Variants in TRPM3 observed in about 807,000 individuals in gnomAD.
The protein encoded by TRPM3 is long transient receptor potential channel 3.
TRPM3 carries 77 observed loss-of-function variants against 181.2 expected under a neutral mutation model. The ratio of observed to expected loss-of-function variants is 0.42; its 90% CI spans 0.35 to 0.51. The LOEUF is 0.51. TRPM3 is among the 20% of genes least tolerant of loss of function. TRPM3 has a pLI of 0.01. For synonymous variants in TRPM3, 745 were observed against 796.4 expected (o/e 0.94, Z 1.09); for missense variants, 1,759 against 2,196.7 (o/e 0.80, Z 3.98).
chr9:70,890,595 C>A (rs890912309), intron 1 of TRPM3, among the ~76,000 whole-genome samples: 1 of 151,160 alleles, frequency 6.6e-6, no homozygotes. Context: ...AAACATATTT[C>A]GTAAATAAGA....
chr9:70,963,507 T>C (rs1268116719), intron 1 of TRPM3, among the ~76,000 whole-genome samples: 1 of 152,040 alleles, frequency 6.6e-6, no homozygotes, highest in South Asian at 2.1e-4. Flanking sequence ...AGAGGAGATT[T>C]TGAGGGGCTG....
intron 1 of TRPM3, among the ~76,000 whole-genome samples, chr9:71,189,110 T>C (rs1272556710): frequency 6.6e-6 from 1 of 151,810 alleles, no homozygotes; most frequent in Non-Finnish European, 1.5e-5. Context: ...AATCAGGAAT[T>C]GCCTCTCTAT....
intron 1 of TRPM3, among the ~76,000 whole-genome samples, chr9:71,322,266 G>A (rs1404195363): frequency 2.0e-5 from 3 of 152,020 alleles, no homozygotes; most frequent in Non-Finnish European, 2.9e-5. Context: ...TCTCCCTAAC[G>A]GTATGTTAAC....
intron 1 of TRPM3, among the ~76,000 whole-genome samples, chr9:71,432,575 T>G (rs1217168488): frequency 6.6e-6 from 1 of 152,220 alleles, no homozygotes; most frequent in Non-Finnish European, 1.5e-5. Flanking sequence ...TTATTGTTTA[T>G]CTTTTAAGGA....
chr9:71,396,965 C>CA (rs76027591), intron 1 of TRPM3, among the ~76,000 whole-genome samples: 6,783 of 97,282 alleles, frequency 0.07, 367 homozygotes, highest in African/African-American at 0.18. Flanking sequence ...GACTTCATCT[C>CA]AAAAAAAAAA....
chr9:71,252,370 T>A (rs2082399164), intron 1 of TRPM3, among the ~76,000 whole-genome samples: 3 of 152,174 alleles, frequency 2.0e-5, no homozygotes. Context: ...TTCTGTTCAT[T>A]TCCTTTAAAG....
At position 71,411,408 on chromosome 9, in the gene TRPM3, C is replaced by T. The variant is rs565645748; in HGVS notation, c.183+35245G>A. ...CTGATAAGCAACTTCAGCAAAGTCTCAGGATACAAAATCAATGTGCAAAAA... is the reference window on the plus strand; with the variant it reads ...CTGATAAGCAACTTCAGCAAAGTCTTAGGATACAAAATCAATGTGCAAAAA... On this transcript the variant is annotated intron_variant, in intron 1 of 24. Coordinates refer to the TRPM3 transcript ENST00000357533. Among the ~76,000 whole-genome samples, 305 of 152,334 alleles carry T rather than the reference C, an allele frequency of 2.0e-3. 1 individual carries two copies. The highest frequency in any genetic ancestry group is 7.1e-3 in the African/African-American group (294 of 41,574).
chr9:70,808,769 AACTGATCATC>A (rs2091246092), intron 6 of TRPM3, among the ~76,000 whole-genome samples: 1 of 152,246 alleles, frequency 6.6e-6, no homozygotes. Context: ...GTCTAAAGTG[AACTGATCATC>A]AATTTGGTAT....
At chr9:71,423,679 T>C (rs951546575) in intron 1 of TRPM3, among the ~76,000 whole-genome samples, 2 of 152,114 alleles carry the variant, frequency 1.3e-5, no homozygotes, top group Non-Finnish European at 2.9e-5. Flanking sequence ...TGGATATATA[T>C]ACAAACACAC....
At chr9:71,441,232 T>C (rs1473328394) in intron 1 of TRPM3, among the ~76,000 whole-genome samples, 1 of 152,124 alleles carries the variant, frequency 6.6e-6, no homozygotes, top group Non-Finnish European at 1.5e-5. Flanking sequence ...ATGGTCTTTT[T>C]TTTTTCACAC....
At chr9:71,282,401 GAAAAGAAAGAAAAAGA>G (rs1259777659) in intron 1 of TRPM3, among the ~76,000 whole-genome samples, 2 of 70,292 alleles carry the variant, frequency 2.8e-5, no homozygotes, top group African/African-American at 8.1e-5. Flanking sequence ...AGAAAGAAAG[GAAAAGAAAGAAAAAGA>G]AAAAGAAAGA....
chr9:70,690,581 C>T (rs2068234738), intron 8 of TRPM3, among the ~76,000 whole-genome samples: 1 of 151,534 alleles, frequency 6.6e-6, no homozygotes, highest in South Asian at 2.1e-4. Flanking sequence ...TATTTTTAAC[C>T]CCACCTCCAG....
chr9:71,223,891 T>A (rs921381132), intron 1 of TRPM3, among the ~76,000 whole-genome samples: 2 of 152,200 alleles, frequency 1.3e-5, no homozygotes, highest in African/African-American at 4.8e-5. Flanking sequence ...GCAGGTAGAT[T>A]TCTAAGGTTT....
intron 22 of TRPM3, among the ~76,000 whole-genome samples, chr9:70,555,932 T>A (rs2047589122): frequency 6.6e-6 from 1 of 152,236 alleles, no homozygotes; most frequent in African/African-American, 2.4e-5. Context: ...TTCCCTGATC[T>A]CCATTTCTTG....
intron 1 of TRPM3, among the ~76,000 whole-genome samples, chr9:70,873,353 G>A (rs2095821146): frequency 1.3e-5 from 2 of 151,950 alleles, no homozygotes; most frequent in African/African-American, 2.4e-5. Flanking sequence ...AACAATCAAT[G>A]GTGCCATCCC....
At chr9:70,647,806 C>G (rs2059096901) in intron 9 of TRPM3, among the ~76,000 whole-genome samples, 1 of 152,144 alleles carries the variant, frequency 6.6e-6, no homozygotes, top group Non-Finnish European at 1.5e-5. Flanking sequence ...ATGGTCTATG[C>G]CCAAAGGCTC....
chr9:70,779,392 A>G (rs946608288), intron 7 of TRPM3, among the ~76,000 whole-genome samples: 1 of 152,320 alleles, frequency 6.6e-6, no homozygotes, highest in African/African-American at 2.4e-5. Context: ...AAATAAACAT[A>G]AAAATCCGTA....
chr9:70,940,259 A>G (rs1376983343), intron 1 of TRPM3, among the ~76,000 whole-genome samples: 1 of 152,236 alleles, frequency 6.6e-6, no homozygotes, highest in African/African-American at 2.4e-5. Context: ...TTAACACAAA[A>G]AAAAGTAAAA....
intron 9 of TRPM3, among the ~76,000 whole-genome samples, chr9:70,673,173 G>T (rs1365383254): frequency 1.3e-5 from 2 of 152,078 alleles, no homozygotes; most frequent in African/African-American, 2.4e-5. Context: ...TAGCAAGGGG[G>T]AAAGTGGATA....
Sources: allele counts gnomAD v4.1 joint callset (sites outside exome capture counted in the v4.1 genomes callset), GRCh38; gene constraint gnomAD v4.1.1; transcripts MANE v1.5; gene names NCBI Gene and HGNC (gene_info 2026-07-23, HGNC 2026-07-21).